The following PALM2AKAP2 variants were observed in gnomAD, a reference collection of about 807,000 sequenced individuals.
The protein encoded by PALM2AKAP2 is PALM2 and AKAP2 fusion.
PALM2AKAP2 carries 37 observed loss-of-function variants against 71.5 expected under a neutral mutation model. The observed-to-expected ratio is 0.52, with a 90% CI of 0.40 to 0.68. The LOEUF is 0.68. Among genes scored for constraint, PALM2AKAP2 ranks in the 30% least tolerant of loss-of-function variants. The pLI, the probability that PALM2AKAP2 is intolerant of heterozygous loss-of-function variation, is 0.00. For missense variants in PALM2AKAP2, 1,224 were observed against 1,191.8 expected (o/e 1.03, Z -0.40); for synonymous variants, 468 against 478.8 (o/e 0.98, Z 0.29).
At chr9:109,869,299 A>ACT (rs1829540629) in intron 2 of PALM2AKAP2, among the ~76,000 whole-genome samples, 3 of 151,916 alleles carry the variant, frequency 2.0e-5, no homozygotes, top group Admixed American at 6.6e-5. Flanking sequence ...GTATTAGTAT[A>ACT]TTCTGTTCAT....
At chr9:109,791,752 G>A (rs979638761) in intron 1 of PALM2AKAP2, among the ~76,000 whole-genome samples, 15 of 152,196 alleles carry the variant, frequency 9.9e-5, no homozygotes, top group Non-Finnish European at 4.4e-5. Flanking sequence ...GGGACAGAGA[G>A]TGCTCAACTC....
chr9:109,879,129 G>A (rs952375865), intron 2 of PALM2AKAP2, among the ~76,000 whole-genome samples: 6 of 152,114 alleles, frequency 3.9e-5, no homozygotes, highest in Admixed American at 6.5e-5. Context: ...TGCATCCTTC[G>A]CTCATAAGAG....
chr9:109,986,483 A>T (rs1832381472), intron 6 of PALM2AKAP2, among the ~76,000 whole-genome samples: 1 of 152,192 alleles, frequency 6.6e-6, no homozygotes, highest in African/African-American at 2.4e-5. Context: ...GGTTTCCTTT[A>T]TGTCCAGTTC....
At chr9:109,715,261 G>A (rs1014923204) in intron 1 of PALM2AKAP2, among the ~76,000 whole-genome samples, 3 of 152,190 alleles carry the variant, frequency 2.0e-5, no homozygotes, top group African/African-American at 4.8e-5. Context: ...CTAAGAATTA[G>A]AGAATTTGGA....
chr9:109,867,961 T>G (rs2131699674), intron 2 of PALM2AKAP2, among the ~76,000 whole-genome samples: 1 of 152,334 alleles, frequency 6.6e-6, no homozygotes, highest in Middle Eastern at 3.4e-3. Flanking sequence ...CACGGAACGT[T>G]CTTTTTATTC....
chr9:110,015,658 G>A (rs945779290), intron 6 of PALM2AKAP2, among the ~76,000 whole-genome samples: 1 of 151,988 alleles, frequency 6.6e-6, no homozygotes, highest in African/African-American at 2.4e-5. Context: ...AGAAGAAGAC[G>A]AAGAGTTCAT....
intron 1 of PALM2AKAP2, among the ~76,000 whole-genome samples, chr9:109,790,761 G>A (rs1255137084): frequency 6.6e-6 from 1 of 152,180 alleles, no homozygotes; most frequent in Non-Finnish European, 1.5e-5. Context: ...ATCACGTGCT[G>A]TTTCTACTGG....
intron 6 of PALM2AKAP2, among the ~76,000 whole-genome samples, chr9:109,963,627 C>G (rs1831890478): frequency 6.6e-6 from 1 of 152,198 alleles, no homozygotes; most frequent in Non-Finnish European, 1.5e-5. Context: ...GGGCCTTGCT[C>G]TAGTCACACT....
chr9:110,000,181 GC>G (rs1277655851), intron 6 of PALM2AKAP2, among the ~76,000 whole-genome samples: 3 of 119,966 alleles, frequency 2.5e-5, no homozygotes, highest in African/African-American at 3.3e-5. Context: ...CACACAACAG[GC>G]CCCCGGTGTG....
At chr9:110,017,720 G>A (rs554168804) in intron 7 of PALM2AKAP2, among the ~76,000 whole-genome samples, 9 of 137,604 alleles carry the variant, frequency 6.5e-5, no homozygotes, top group East Asian at 2.1e-4. Context: ...TAAAGCAAAC[G>A]GCATATTCCT....
intron 6 of PALM2AKAP2, among the ~76,000 whole-genome samples, chr9:109,937,331 C>T (rs1375859754): frequency 6.6e-6 from 1 of 152,144 alleles, no homozygotes; most frequent in East Asian, 1.9e-4. Flanking sequence ...GAATTCTCAA[C>T]CTCAACTTAA....
intron 1 of PALM2AKAP2, among the ~76,000 whole-genome samples, chr9:109,838,625 C>T (rs1357827973): frequency 6.6e-6 from 1 of 151,990 alleles, no homozygotes; most frequent in African/African-American, 2.4e-5. Context: ...ATTGATAGAC[C>T]ACTAGCAAGA....
At chr9:109,962,724 C>A (rs945829129) in intron 6 of PALM2AKAP2, among the ~76,000 whole-genome samples, 1 of 151,460 alleles carries the variant, frequency 6.6e-6, no homozygotes, top group East Asian at 1.9e-4. Flanking sequence ...CTCACTGCAA[C>A]CTCCGCCTCC....
intron 3 of PALM2AKAP2, among the ~76,000 whole-genome samples, chr9:109,919,885 C>T (rs976041600): frequency 8.5e-5 from 13 of 152,076 alleles, no homozygotes; most frequent in African/African-American, 2.9e-4. Context: ...TTTATTCTTG[C>T]CCACACTTCT....
Position 110,137,398 on chromosome 9 carries a change from C to T in PALM2AKAP2, c.1428C>T (p.Ala476=), listed in dbSNP as rs746636943. 22 of 1,614,010 alleles carry T rather than the reference C, an allele frequency of 1.4e-5. 1 individual carries two copies. Among genetic ancestry groups the T allele is most frequent in the South Asian group, 9.9e-5 (9 of 91,078 alleles). ...CTCCAGAAGACAGTGGTGCCTCAGC[C>T]GCCAAGGGACAGAAATCCCCCGGTG... The change falls in exon 2 of 4, where the codon GCC becomes GCT. Residue 476 remains alanine, a synonymous_variant. Coordinates refer to ENST00000374525, the Ensembl canonical transcript of PALM2AKAP2.
At chr9:109,641,515 C>A (rs568672217) in intron 1 of PALM2AKAP2, among the ~76,000 whole-genome samples, 5 of 152,306 alleles carry the variant, frequency 3.3e-5, no homozygotes, top group Middle Eastern at 6.8e-3. Flanking sequence ...GAGGCATTAA[C>A]CAGAAAAGAC....
chr9:110,006,269 T>G (rs976455302), intron 6 of PALM2AKAP2, among the ~76,000 whole-genome samples: 3 of 151,226 alleles, frequency 2.0e-5, no homozygotes, highest in Non-Finnish European at 4.4e-5. Context: ...TCCTTCCATT[T>G]TCTCTCTCTC....
At chr9:109,779,761 C>G (rs564100802), upstream of PALM2AKAP2, among the ~76,000 whole-genome samples, 1 of 152,326 alleles carries the variant, frequency 6.6e-6, no homozygotes, top group East Asian at 1.9e-4. Context: ...GGCAAGGCAG[C>G]CCTTCCCAAA....
rs147537940 is a variant in PALM2AKAP2, at chr9:110,039,473, C to T, written c.582+23434C>T. Among the ~76,000 whole-genome samples the T allele has an allele frequency of 9.9e-5, 15 of 152,016 alleles. No individual in the cohort carries two copies. In the East Asian group the frequency reaches 1.9e-3, roughly 20 times the overall value. On this transcript the variant is annotated intron_variant, in intron 7 of 9. Transcript: ENST00000302798. ...AGAAGGGAGGGATGGCGAGGCTGAGCGATTTTCCTAAGGTCACATAGCCAG... is the reference window on the plus strand; with the variant it reads ...AGAAGGGAGGGATGGCGAGGCTGAGTGATTTTCCTAAGGTCACATAGCCAG...
Sources: gnomAD v4.1 joint callset for allele counts (sites outside exome capture counted in the v4.1 genomes callset) on GRCh38, gnomAD v4.1.1 for gene constraint, MANE v1.5 for transcripts, NCBI Gene and HGNC (gene_info 2026-07-23, HGNC 2026-07-21) for gene names.